Variants in EPHA5 observed in about 807,000 individuals in gnomAD.
EPHA5 encodes the protein EPH receptor A5.
A neutral mutation model predicts 105.0 loss-of-function variants in EPHA5; 60 were observed. That is an observed-to-expected ratio of 0.57 (90% confidence interval 0.46 to 0.71). The LOEUF (loss-of-function observed/expected upper bound fraction) is 0.71. EPHA5 is among the 30% of genes least tolerant of loss of function. The probability of loss-of-function intolerance (pLI) is 0.00; values close to 1 mark genes in which losing one functional copy is unlikely to be tolerated. For missense variants in EPHA5, 1,218 were observed against 1,274.7 expected (o/e 0.96, Z 0.68); for synonymous variants, 513 against 449.1 (o/e 1.14, Z -1.80).
chr4:65,385,855 ATATTTG>A (rs1393668339), intron 8 of EPHA5, among the ~76,000 whole-genome samples: 1 of 151,800 alleles, frequency 6.6e-6, no homozygotes, highest in Non-Finnish European at 1.5e-5. Context: ...TATAATATTT[ATATTTG>A]TATAATACTG....
intron 5 of EPHA5, among the ~76,000 whole-genome samples, chr4:65,485,280 T>C (rs958256431): frequency 5.3e-5 from 8 of 152,088 alleles, no homozygotes; most frequent in African/African-American, 1.9e-4. Flanking sequence ...ATTTTTCCCT[T>C]CATCATAGCC....
chr4:65,610,710 C>A (rs1273836421), intron 2 of EPHA5, among the ~76,000 whole-genome samples: 3 of 152,060 alleles, frequency 2.0e-5, no homozygotes, highest in Non-Finnish European at 4.4e-5. Context: ...CTTAAATGAT[C>A]TCATTATTGT....
At chr4:65,416,029 T>C (rs6813543) in intron 6 of EPHA5, among the ~76,000 whole-genome samples, 84,867 of 151,814 alleles carry the variant, frequency 0.56, 25,522 homozygotes, top group South Asian at 0.69. Context: ...TTAAAAGCAA[T>C]ATTTCTCAAT....
chr4:65,643,887 T>C (rs186230385), intron 1 of EPHA5, among the ~76,000 whole-genome samples: 1 of 152,158 alleles, frequency 6.6e-6, no homozygotes, highest in Admixed American at 6.5e-5. Context: ...TAAACAGCAA[T>C]AAACTATTCC....
chr4:65,572,773 A>G (rs933813186), intron 3 of EPHA5, among the ~76,000 whole-genome samples: 9 of 151,416 alleles, frequency 5.9e-5, no homozygotes, highest in African/African-American at 1.7e-4. Flanking sequence ...GCTCACGCCT[A>G]TAATACCAGT....
chr4:65,355,182 G>A (rs1261099767), intron 11 of EPHA5, among the ~76,000 whole-genome samples: 1 of 151,578 alleles, frequency 6.6e-6, no homozygotes, highest in Non-Finnish European at 1.5e-5. Flanking sequence ...AAGAGCCCAT[G>A]AAGTTTAAAT....
intron 2 of EPHA5, among the ~76,000 whole-genome samples, chr4:65,619,376 A>G (rs2149473354): frequency 6.6e-6 from 1 of 152,302 alleles, no homozygotes; most frequent in Admixed American, 6.5e-5. Context: ...AGGCATACAC[A>G]TACATTTAGG....
chr4:65,497,914 C>T (rs1441966498), intron 3 of EPHA5, among the ~76,000 whole-genome samples: 1 of 151,870 alleles, frequency 6.6e-6, no homozygotes, highest in Non-Finnish European at 1.5e-5. Context: ...GTGATAGACA[C>T]AGCCTTGCCT....
intron 6 of EPHA5, among the ~76,000 whole-genome samples, chr4:65,415,737 A>C (rs1047088576): frequency 6.6e-6 from 1 of 152,032 alleles, no homozygotes; most frequent in Non-Finnish European, 1.5e-5. Flanking sequence ...TAGGTAATTA[A>C]ATCTTGTAAA....
intron 11 of EPHA5, among the ~76,000 whole-genome samples, chr4:65,354,660 A>G (rs185107192): frequency 5.9e-5 from 9 of 151,876 alleles, no homozygotes; most frequent in Admixed American, 5.9e-4. Flanking sequence ...TTTACTGGAT[A>G]ATTGATTGAC....
chr4:65,444,273 C>T (rs1052390852), intron 5 of EPHA5, among the ~76,000 whole-genome samples: 1 of 152,078 alleles, frequency 6.6e-6, no homozygotes, highest in African/African-American at 2.4e-5. Context: ...AATATCTATC[C>T]TTAAGTTGTT....
chr4:65,614,240 A>C (rs1004865456), intron 2 of EPHA5, among the ~76,000 whole-genome samples: 2 of 151,892 alleles, frequency 1.3e-5, no homozygotes, highest in African/African-American at 4.8e-5. Context: ...TTTAGCCTTA[A>C]TATTAAAACA....
At chr4:65,379,532 G>A (rs1188116499) in intron 8 of EPHA5, among the ~76,000 whole-genome samples, 2 of 151,560 alleles carry the variant, frequency 1.3e-5, no homozygotes, top group African/African-American at 4.8e-5. Flanking sequence ...AAAAATAGAT[G>A]TTTTCTCATA....
rs1720312596 is a variant in EPHA5, at chr4:65,328,670, C to T, written c.2945+3303G>A. 4.0e-5 allele frequency among the ~76,000 whole-genome samples: 6 copies of T among 150,658 alleles called. No individual in the cohort carries two copies. In the South Asian group the frequency reaches 1.3e-3, roughly 31 times the overall value. On this transcript the variant is annotated intron_variant, in intron 16 of 16. Transcript: ENST00000613740. ...GTCATTTTTTTTTTTGTTAACTTTG[C>T]AGAACCCTAACAATCAATGATATAG... is the stretch of plus-strand genomic sequence containing the variant.
intron 14 of EPHA5, among the ~76,000 whole-genome samples, chr4:65,345,790 T>G (rs1722159497): frequency 7.2e-6 from 1 of 139,102 alleles, no homozygotes; most frequent in Admixed American, 7.2e-5. Flanking sequence ...TTTTTTTTCT[T>G]GAGACAGAGT....
intron 8 of EPHA5, among the ~76,000 whole-genome samples, chr4:65,403,873 G>A (rs1017643188): frequency 3.3e-5 from 5 of 152,034 alleles, no homozygotes; most frequent in Admixed American, 3.3e-4. Context: ...AAATAAAAGT[G>A]GTCAGTGAAA....
At chr4:65,373,585 G>C (rs553938317) in intron 8 of EPHA5, among the ~76,000 whole-genome samples, 1 of 151,874 alleles carries the variant, frequency 6.6e-6, no homozygotes, top group African/African-American at 2.4e-5. Flanking sequence ...CCTTTGGCCA[G>C]AGAAATTTGT....
At chr4:65,536,474 T>C (rs185536981) in intron 3 of EPHA5, among the ~76,000 whole-genome samples, 12 of 151,860 alleles carry the variant, frequency 7.9e-5, no homozygotes, top group African/African-American at 2.9e-4. Flanking sequence ...ATTAATTGTG[T>C]GAAACAAAAT....
chr4:65,377,273 T>G (rs1471746881), intron 8 of EPHA5, among the ~76,000 whole-genome samples: 1 of 152,016 alleles, frequency 6.6e-6, no homozygotes, highest in African/African-American at 2.4e-5. Flanking sequence ...TAAATTGTTA[T>G]TTTTATTTTG....
Sources: allele counts gnomAD v4.1 joint callset (sites outside exome capture counted in the v4.1 genomes callset), GRCh38; gene constraint gnomAD v4.1.1; transcripts MANE v1.5; gene names NCBI Gene and HGNC (gene_info 2026-07-23, HGNC 2026-07-21).